The following LIPC variants were observed in gnomAD, a reference collection of about 807,000 sequenced individuals.
LIPC encodes hepatic triacylglycerol lipase.
Under a neutral mutation model 50.7 loss-of-function variants are expected in LIPC, and 44 were observed. The ratio of observed to expected loss-of-function variants is 0.87; its 90% confidence interval spans 0.68 to 1.11. The LOEUF is 1.11. LIPC is among the 50% of genes most tolerant of loss of function. The pLI is 0.00. For missense variants in LIPC, 697 were observed against 648.2 expected (o/e 1.08, Z -0.82); for synonymous variants, 271 against 256.4 (o/e 1.06, Z -0.54).
At chr15:58,453,895 G>GA (rs1243490425) in intron 1 of LIPC, among the ~76,000 whole-genome samples, 2 of 151,498 alleles carry the variant, frequency 1.3e-5, no homozygotes, top group Non-Finnish European at 2.9e-5. Flanking sequence ...AAAAGAAAAA[G>GA]AAAAAAAATG....
At chr15:58,453,866 C>CAA (rs398043355) in intron 1 of LIPC, among the ~76,000 whole-genome samples, 23 of 121,004 alleles carry the variant, frequency 1.9e-4, no homozygotes, top group East Asian at 9.1e-4. Context: ...GACCCTGTCT[C>CAA]AAAAAAAAAA....
At chr15:58,484,280 G>A (rs1471419048) in intron 1 of LIPC, among the ~76,000 whole-genome samples, 1 of 152,130 alleles carries the variant, frequency 6.6e-6, no homozygotes, top group African/African-American at 2.4e-5. Context: ...AATCCACTGT[G>A]TGCTAGGCAC....
At chr15:58,565,103 G>T (rs943109983) in intron 8 of LIPC, 1 of 1,225,846 alleles carries the variant, frequency 8.2e-7, no homozygotes, top group Non-Finnish European at 1.1e-6. Flanking sequence ...TTATACAACC[G>T]CACTCTGAGA....
In LIPC at chr15:58,544,391, C is replaced by CTTTTTTTTTTTTTTTTTTTTTT. The variant is rs572161614; in HGVS notation, c.575-1348_575-1347insTTTTTTTTTTTTTTTTTTTTTT. 2.7e-5 allele frequency among the ~76,000 whole-genome samples: 3 copies of CTTTTTTTTTTTTTTTTTTTTTT among 110,272 alleles called. 1 individual carries two copies. Among genetic ancestry groups the CTTTTTTTTTTTTTTTTTTTTTT allele is most frequent in the Non-Finnish European group, 5.5e-5 (3 of 54,442 alleles). The allele number at this position is 110,272 out of a possible 152,430, so 72.3% of individuals were successfully genotyped here. A position where few individuals can be genotyped will look rare whatever the true frequency, so the allele number is the denominator to read the frequency against. On this transcript the variant is annotated intron_variant, in intron 4 of 8. Coordinates refer to ENST00000299022, the MANE Select transcript of LIPC (RefSeq NM_000236.3). ...CATATCAGGACATTTTTCTTTTTCT[C>CTTTTTTTTTTTTTTTTTTTTTT]TTTCTTTTTTTTTTTTTTTTTTGAG...
intron 5 of LIPC, among the ~76,000 whole-genome samples, chr15:58,547,299 A>C (rs1465629634): frequency 6.6e-6 from 1 of 152,126 alleles, no homozygotes; most frequent in African/African-American, 2.4e-5. Flanking sequence ...TCCTGGGTGG[A>C]TGAGCTTGGG....
chr15:58,468,784 A>T (rs900230176), intron 1 of LIPC, among the ~76,000 whole-genome samples: 2 of 151,928 alleles, frequency 1.3e-5, no homozygotes, highest in African/African-American at 4.8e-5. Flanking sequence ...TGCCACCCAG[A>T]CTCCATGGAA....
intron 1 of LIPC, among the ~76,000 whole-genome samples, chr15:58,525,331 G>T (rs1388606418): frequency 1.3e-5 from 2 of 152,196 alleles, no homozygotes; most frequent in African/African-American, 4.8e-5. Flanking sequence ...TACACAGCTT[G>T]AATTACTGAA....
intron 1 of LIPC, among the ~76,000 whole-genome samples, chr15:58,535,979 G>A (rs982138592): frequency 3.3e-5 from 5 of 152,156 alleles, no homozygotes; most frequent in Non-Finnish European, 5.9e-5. Flanking sequence ...ACACCTCACC[G>A]CTCACTAACA....
At chr15:58,537,634 C>T (rs1893174610) in intron 1 of LIPC, among the ~76,000 whole-genome samples, 1 of 152,118 alleles carries the variant, frequency 6.6e-6, no homozygotes, top group African/African-American at 2.4e-5. Context: ...ATGTTGCTCC[C>T]TCAGCCACCC....
At chr15:58,519,742 G>T (rs956088700) in intron 1 of LIPC, among the ~76,000 whole-genome samples, 17 of 152,228 alleles carry the variant, frequency 1.1e-4, no homozygotes, top group African/African-American at 3.1e-4. Flanking sequence ...GTGGTGTATT[G>T]TGTCTCCTCC....
chr15:58,557,424 A>G (rs1362167138), intron 6 of LIPC, among the ~76,000 whole-genome samples: 8 of 104,006 alleles, frequency 7.7e-5, no homozygotes, highest in African/African-American at 2.3e-4. Flanking sequence ...TTGCTCTGTC[A>G]CCCAGGCTGG....
At chr15:58,439,663 C>T (rs1222902508) in intron 1 of LIPC, among the ~76,000 whole-genome samples, 3 of 152,168 alleles carry the variant, frequency 2.0e-5, no homozygotes, top group East Asian at 1.9e-4. Flanking sequence ...AGGCTGGTCT[C>T]GAACTCTTGA....
rs561628599 is a variant in LIPC, at chr15:58,482,820, G to C, written c.88+50700G>C. 3.7e-4 allele frequency among the ~76,000 whole-genome samples: 57 copies of C among 152,328 alleles called. 2 individuals carry two copies. The South Asian group carries it at 0.011, about 30-fold the overall frequency. On this transcript the variant is annotated intron_variant, in intron 1 of 8. Coordinates refer to ENST00000299022, the MANE Select transcript of LIPC (RefSeq NM_000236.3). ...GTCCTCCCTGGGTTTGGGGGCTTTT[G>C]AAAGGGCCCAGGTTTAGACATCAGG... is the stretch of plus-strand genomic sequence containing the variant.
intron 1 of LIPC, among the ~76,000 whole-genome samples, chr15:58,501,117 C>T (rs1487095600): frequency 2.0e-5 from 3 of 152,092 alleles, no homozygotes; most frequent in Non-Finnish European, 4.4e-5. Flanking sequence ...CTGGGTCCTG[C>T]TGACTCCACC....
At chr15:58,462,833 T>C (rs1894404596) in intron 1 of LIPC, among the ~76,000 whole-genome samples, 1 of 152,164 alleles carries the variant, frequency 6.6e-6, no homozygotes, top group Non-Finnish European at 1.5e-5. Flanking sequence ...GGGGCAGGCC[T>C]GAAGAACCCT....
chr15:58,484,595 C>G (rs1262749596), intron 1 of LIPC, among the ~76,000 whole-genome samples: 1 of 152,230 alleles, frequency 6.6e-6, no homozygotes, highest in Non-Finnish European at 1.5e-5. Context: ...TGTGGGGAAA[C>G]TGAGGCACAG....
At chr15:58,494,324 T>G (rs1046816853) in intron 1 of LIPC, among the ~76,000 whole-genome samples, 2 of 152,186 alleles carry the variant, frequency 1.3e-5, no homozygotes, top group Non-Finnish European at 2.9e-5. Flanking sequence ...GTACAAATCC[T>G]GGGAGGCAGG....
chr15:58,549,204 C>T (rs1237509912), intron 6 of LIPC, among the ~76,000 whole-genome samples: 2 of 152,208 alleles, frequency 1.3e-5, no homozygotes, highest in Non-Finnish European at 2.9e-5. Flanking sequence ...CAGAGAAATA[C>T]TCCACTGAAA....
intron 6 of LIPC, among the ~76,000 whole-genome samples, chr15:58,552,073 G>C (rs996758299): frequency 9.9e-5 from 15 of 152,152 alleles, no homozygotes; most frequent in African/African-American, 3.6e-4. Context: ...TTTAAGGGAG[G>C]GGGAGGGAAA....
Sources: gnomAD v4.1 joint callset for allele counts (sites outside exome capture counted in the v4.1 genomes callset) on GRCh38, gnomAD v4.1.1 for gene constraint, MANE v1.5 for transcripts, NCBI Gene and HGNC (gene_info 2026-07-23, HGNC 2026-07-21) for gene names.